LRRC4C: variants seen among roughly 807,000 people sequenced by gnomAD.
LRRC4C encodes leucine rich repeat containing 4C, also known as leucine-rich repeat-containing protein 4C.
A neutral mutation model predicts 33.6 loss-of-function variants in LRRC4C; 5 were observed. That is an observed-to-expected ratio of 0.15 (90% confidence interval 0.08 to 0.31). LRRC4C has a LOEUF of 0.31. Among genes scored for constraint, LRRC4C ranks in the 10% least tolerant of loss-of-function variants. The pLI is 1.00. For synonymous variants in LRRC4C, 329 were observed against 302.0 expected, an observed-to-expected ratio of 1.09 and a Z score of -0.93; for missense variants, 560 against 796.7, an observed-to-expected ratio of 0.70 and a Z score of 3.58.
chr11:41,230,924 C>A (rs12285549), intron 1 of LRRC4C, among the ~76,000 whole-genome samples: 7,157 of 119,896 alleles, frequency 0.06, 288 homozygotes, highest in African/African-American at 0.12. Flanking sequence ...AAAAAAAAAA[C>A]CAAACAACCC....
chr11:40,374,932 G>A (rs1161697969), intron 3 of LRRC4C, among the ~76,000 whole-genome samples: 1 of 152,088 alleles, frequency 6.6e-6, no homozygotes, highest in South Asian at 2.1e-4. Context: ...TAGTGTGAAA[G>A]GTCCAAAGTC....
chr11:40,347,669 C>T lies in LRRC4C; in HGVS notation c.-269-27948G>A, dbSNP rs533249719. Among the ~76,000 whole-genome samples, 6 of 152,282 alleles carry T rather than the reference C, an allele frequency of 3.9e-5. No homozygotes were observed. In the East Asian group the frequency reaches 7.7e-4, roughly 20 times the overall value. On this transcript the variant is annotated intron_variant, in intron 3 of 6. Coordinates refer to ENST00000528697, the MANE Select transcript of LRRC4C (RefSeq NM_001258419.2). ...TGTTGCCTAGGCTGGATTGCAATGG[C>T]GTGATCTTGGCTCAGCGCAAACTCT...
intron 3 of LRRC4C, among the ~76,000 whole-genome samples, chr11:40,646,514 C>T (rs975800599): frequency 5.3e-5 from 8 of 152,168 alleles, no homozygotes; most frequent in Admixed American, 1.3e-4. Context: ...AAGGAAACAA[C>T]ATCCTTCCCT....
intron 2 of LRRC4C, among the ~76,000 whole-genome samples, chr11:40,728,360 A>T (rs1358268330): frequency 2.0e-5 from 3 of 151,950 alleles, no homozygotes; most frequent in Middle Eastern, 3.4e-3. Context: ...AATCCCAGCA[A>T]TTTGGGAGGC....
intron 2 of LRRC4C, among the ~76,000 whole-genome samples, chr11:40,865,327 G>T (rs951609882): frequency 1.3e-5 from 2 of 151,978 alleles, no homozygotes; most frequent in Non-Finnish European, 2.9e-5. Context: ...GGAGATGCTG[G>T]TTAAAAGGTA....
At chr11:40,440,819 G>A (rs967924101) in intron 3 of LRRC4C, among the ~76,000 whole-genome samples, 1 of 151,866 alleles carries the variant, frequency 6.6e-6, no homozygotes, top group African/African-American at 2.4e-5. Flanking sequence ...AGGCTGAAGG[G>A]AGTCCGCTCA....
At chr11:41,087,447 G>A (rs1268257389) in intron 1 of LRRC4C, among the ~76,000 whole-genome samples, 1 of 152,034 alleles carries the variant, frequency 6.6e-6, no homozygotes, top group African/African-American at 2.4e-5. Flanking sequence ...CTAATATCTT[G>A]TAGTTCTCCT....
intron 3 of LRRC4C, among the ~76,000 whole-genome samples, chr11:40,473,442 G>A (rs917808295): frequency 2.0e-5 from 3 of 152,028 alleles, no homozygotes; most frequent in African/African-American, 7.2e-5. Context: ...GGTATTGAGG[G>A]GACATATCTT....
intron 1 of LRRC4C, among the ~76,000 whole-genome samples, chr11:41,309,752 C>T (rs1950597476): frequency 6.6e-6 from 1 of 152,242 alleles, no homozygotes; most frequent in Non-Finnish European, 1.5e-5. Flanking sequence ...ACGCTGAGCT[C>T]TTTCACTTTT....
intron 3 of LRRC4C, among the ~76,000 whole-genome samples, chr11:40,537,714 C>A (rs1438807651): frequency 1.3e-5 from 2 of 152,050 alleles, no homozygotes; most frequent in African/African-American, 2.4e-5. Context: ...AAAGACAAAT[C>A]TCAAAAACCC....
intron 2 of LRRC4C, among the ~76,000 whole-genome samples, chr11:40,911,600 A>C (rs1956692435): frequency 6.6e-6 from 1 of 152,140 alleles, no homozygotes; most frequent in Non-Finnish European, 1.5e-5. Context: ...TGGGGAAACA[A>C]CAGAGCAGAA....
At chr11:40,836,168 C>A (rs115993195) in intron 2 of LRRC4C, among the ~76,000 whole-genome samples, 2 of 152,084 alleles carry the variant, frequency 1.3e-5, no homozygotes, top group African/African-American at 2.4e-5. Flanking sequence ...TCCAGGGGTA[C>A]CTATTTGCAC....
intron 1 of LRRC4C, among the ~76,000 whole-genome samples, chr11:41,185,044 C>A (rs1945630442): frequency 6.6e-6 from 1 of 152,022 alleles, no homozygotes; most frequent in Admixed American, 6.6e-5. Flanking sequence ...AGACCCACTC[C>A]CATGATTCAA....
chr11:40,483,579 T>C (rs1208431194), intron 3 of LRRC4C, among the ~76,000 whole-genome samples: 2 of 151,916 alleles, frequency 1.3e-5, no homozygotes, highest in African/African-American at 2.4e-5. Flanking sequence ...AAGACTGAAA[T>C]AGTTGGTGAC....
At chr11:41,268,687 C>A (rs903093426) in intron 1 of LRRC4C, among the ~76,000 whole-genome samples, 2 of 151,902 alleles carry the variant, frequency 1.3e-5, no homozygotes, top group Non-Finnish European at 2.9e-5. Flanking sequence ...CCAATATATA[C>A]CAACAAATCA....
chr11:41,202,663 T>C (rs1403762972), intron 1 of LRRC4C, among the ~76,000 whole-genome samples: 1 of 152,146 alleles, frequency 6.6e-6, no homozygotes, highest in East Asian at 1.9e-4. Context: ...TCTAATGCTT[T>C]TGGAATGAGC....
chr11:40,114,830 T>C lies in LRRC4C; in HGVS notation c.1463A>G (p.Asn488Ser), dbSNP rs1025205978. The C allele has an allele frequency of 8.1e-6, 13 of 1,614,016 alleles. No homozygotes were observed. The African/African-American group carries it at 9.3e-5, about 12-fold the overall frequency. ...PTPVVDWETTNVTTSLTPQST... is the reference protein window; with the variant it reads ...PTPVVDWETTSVTTSLTPQST... Reference sequence around the variant, plus strand: ...CTGTGGTGTGAGAGAGGTGGTCACATTGGTGGTCTCCCAGTCGACCACTGG... The same window carrying C: ...CTGTGGTGTGAGAGAGGTGGTCACACTGGTGGTCTCCCAGTCGACCACTGG... The change falls in exon 7 of 7, where the codon AAT (asparagine) becomes AGT (serine). Residue 488 changes from asparagine (N) to serine (S), a missense_variant. Around this residue, in one of 3 missense-constraint regions of LRRC4C, gnomAD observed 455 missense variants for 643.8 expected, o/e 0.71. Coordinates refer to ENST00000528697, the MANE Select transcript of LRRC4C (RefSeq NM_001258419.2).
At chr11:40,598,167 A>G (rs1018304177) in intron 3 of LRRC4C, among the ~76,000 whole-genome samples, 2 of 152,212 alleles carry the variant, frequency 1.3e-5, no homozygotes, top group Non-Finnish European at 2.9e-5. Context: ...TCTCTTGGAG[A>G]AACTAAGAAA....
At chr11:40,303,866 C>T (rs1944900953) in intron 4 of LRRC4C, among the ~76,000 whole-genome samples, 1 of 152,226 alleles carries the variant, frequency 6.6e-6, no homozygotes, top group Non-Finnish European at 1.5e-5. Flanking sequence ...TGATGAAGTG[C>T]TTTCAGGTAG....
Sources: allele counts gnomAD v4.1 joint callset (sites outside exome capture counted in the v4.1 genomes callset), GRCh38; gene constraint gnomAD v4.1.1; regional missense constraint gnomAD v4.1.1; transcripts MANE v1.5; gene names NCBI Gene and HGNC (gene_info 2026-07-23, HGNC 2026-07-21).